The following FHIT variants were observed in gnomAD, a reference collection of about 807,000 sequenced individuals.
The protein encoded by FHIT is bis(5'-adenosyl)-triphosphatase.
FHIT carries 19 observed loss-of-function variants against 17.9 expected under a neutral mutation model. That is an observed-to-expected ratio of 1.06 (90% CI 0.74 to 1.56). The LOEUF is 1.56. Ranked by LOEUF, FHIT falls within the 40% of genes most tolerant of loss-of-function variation. The pLI is 0.00. For synonymous variants in FHIT, 81 were observed against 69.7 expected, an observed-to-expected ratio of 1.16 and a Z score of -0.81; for missense variants, 248 against 189.2, an observed-to-expected ratio of 1.31 and a Z score of -1.82.
intron 1 of FHIT, among the ~76,000 whole-genome samples, chr3:61,211,530 T>G (rs9875827): frequency 0.43 from 65,501 of 152,042 alleles, 14,503 homozygotes; most frequent in East Asian, 0.58. Flanking sequence ...GCCCACCACA[T>G]CTCAAGGAGG....
intron 3 of FHIT, among the ~76,000 whole-genome samples, chr3:60,875,618 T>G (rs1704612417): frequency 6.6e-6 from 1 of 152,192 alleles, no homozygotes; most frequent in African/African-American, 2.4e-5. Flanking sequence ...AGTGAAAACT[T>G]GAAGGCAGCA....
rs141924671 is a variant in FHIT, at chr3:59,816,747, C to T, written c.349-64426G>A. 1.1e-3 allele frequency among the ~76,000 whole-genome samples: 167 copies of T among 152,304 alleles called. No homozygotes were observed. In the Middle Eastern group the frequency reaches 0.014, roughly 12 times the overall value. Reference sequence around the variant, plus strand: ...CCATGTCAACTTTGCTCTCCTTGAACGATCTTATCCCCTCTCTTGAACCAT... The same window carrying T: ...CCATGTCAACTTTGCTCTCCTTGAATGATCTTATCCCCTCTCTTGAACCAT... On this transcript the variant is annotated intron_variant, in intron 8 of 9. Transcript: ENST00000492590.
At chr3:61,117,386 A>T (rs2036329003) in intron 2 of FHIT, among the ~76,000 whole-genome samples, 1 of 152,198 alleles carries the variant, frequency 6.6e-6, no homozygotes, top group Admixed American at 6.5e-5. Flanking sequence ...GTTAACTAAA[A>T]TCACCTTACT....
At chr3:60,068,864 A>T (rs9831864) in intron 5 of FHIT, among the ~76,000 whole-genome samples, 50,613 of 152,070 alleles carry the variant, frequency 0.33, 9,744 homozygotes, top group African/African-American at 0.53. Context: ...ATCTATGCTA[A>T]ATGATTACAT....
At chr3:61,144,028 T>A (rs2037160639) in intron 2 of FHIT, among the ~76,000 whole-genome samples, 1 of 152,310 alleles carries the variant, frequency 6.6e-6, no homozygotes, top group South Asian at 2.1e-4. Context: ...GCCAATGTGC[T>A]TTTTTATAGC....
intron 3 of FHIT, among the ~76,000 whole-genome samples, chr3:60,878,706 T>C (rs950081082): frequency 6.6e-6 from 1 of 152,104 alleles, no homozygotes; most frequent in Non-Finnish European, 1.5e-5. Context: ...GTTCTCATTG[T>C]TCAATTCCCA....
intron 2 of FHIT, among the ~76,000 whole-genome samples, chr3:61,194,597 C>T (rs1016654183): frequency 6.6e-6 from 1 of 152,120 alleles, no homozygotes; most frequent in Non-Finnish European, 1.5e-5. Flanking sequence ...TTCTAAATAA[C>T]GCCACATTCA....
chr3:61,067,145 G>A (rs924006702), intron 2 of FHIT, among the ~76,000 whole-genome samples: 6 of 152,170 alleles, frequency 3.9e-5, no homozygotes, highest in African/African-American at 1.4e-4. Context: ...ATTAGGTGGG[G>A]ATAGGGAATG....
chr3:60,527,336 A>G (rs372225108), intron 5 of FHIT, among the ~76,000 whole-genome samples: 8 of 152,250 alleles, frequency 5.3e-5, no homozygotes, highest in African/African-American at 1.9e-4. Flanking sequence ...CTATTAAAGC[A>G]ATCATCTTTG....
At chr3:60,630,432 G>T (rs1388311287) in intron 4 of FHIT, among the ~76,000 whole-genome samples, 3 of 152,102 alleles carry the variant, frequency 2.0e-5, no homozygotes, top group African/African-American at 7.2e-5. Flanking sequence ...GTTTAGAGTT[G>T]CAAGAACCCA....
chr3:59,986,449 G>A (rs1337378901), intron 7 of FHIT, among the ~76,000 whole-genome samples: 1 of 143,408 alleles, frequency 7.0e-6, no homozygotes, highest in African/African-American at 2.7e-5. Context: ...GTCTGTGATT[G>A]GATCTCCCTT....
intron 5 of FHIT, among the ~76,000 whole-genome samples, chr3:60,098,155 G>C (rs1456708565): frequency 7.2e-6 from 1 of 139,034 alleles, no homozygotes; most frequent in Admixed American, 7.7e-5. Context: ...TTGCTATTGT[G>C]AATAGTGCCG....
chr3:60,063,111 A>G (rs1702359855), intron 5 of FHIT, among the ~76,000 whole-genome samples: 1 of 152,184 alleles, frequency 6.6e-6, no homozygotes, highest in Non-Finnish European at 1.5e-5. Flanking sequence ...CAAAACAGAC[A>G]CTTGGACAGA....
intron 5 of FHIT, among the ~76,000 whole-genome samples, chr3:60,223,529 ACCTTC>A (rs1481501721): frequency 1.3e-5 from 2 of 152,110 alleles, no homozygotes; most frequent in African/African-American, 4.8e-5. Context: ...GCACACACCC[ACCTTC>A]CCTTCAATAT....
At chr3:60,368,434 A>G (rs879467808) in intron 5 of FHIT, among the ~76,000 whole-genome samples, 5 of 151,862 alleles carry the variant, frequency 3.3e-5, no homozygotes, top group Non-Finnish European at 7.4e-5. Context: ...TTGAAAAAAC[A>G]TATATATAAA....
intron 5 of FHIT, among the ~76,000 whole-genome samples, chr3:60,321,258 T>C (rs566284124): frequency 2.6e-5 from 4 of 152,158 alleles, no homozygotes; most frequent in Non-Finnish European, 5.9e-5. Flanking sequence ...GGCAGGCAGA[T>C]CACTTGAGCT....
At chr3:60,158,149 A>G (rs4679515) in intron 5 of FHIT, among the ~76,000 whole-genome samples, 118,738 of 152,102 alleles carry the variant, frequency 0.78, 47,059 homozygotes, top group African/African-American at 0.88. Flanking sequence ...TCTGGAAACT[A>G]CTCAACACAT....
intron 2 of FHIT, among the ~76,000 whole-genome samples, chr3:61,093,222 A>T (rs1474520437): frequency 3.3e-5 from 5 of 152,184 alleles, no homozygotes; most frequent in Non-Finnish European, 7.4e-5. Flanking sequence ...ACACAACGAT[A>T]AACGTTTATA....
intron 4 of FHIT, among the ~76,000 whole-genome samples, chr3:60,813,388 T>A (rs1701630900): frequency 6.6e-6 from 1 of 152,064 alleles, no homozygotes. Flanking sequence ...TTAAAATATT[T>A]AACCATTAGT....
Sources: allele counts gnomAD v4.1 joint callset (sites outside exome capture counted in the v4.1 genomes callset), GRCh38; gene constraint gnomAD v4.1.1; transcripts MANE v1.5; gene names NCBI Gene and HGNC (gene_info 2026-07-23, HGNC 2026-07-21).